The following SPSB4 variants were observed in gnomAD, a reference collection of about 807,000 sequenced individuals.
The protein encoded by SPSB4 is splA/ryanodine receptor domain and SOCS box containing 4, also known as SPRY domain-containing SOCS box protein 4.
SPSB4 carries 21 observed loss-of-function variants against 20.9 expected under a neutral mutation model. The ratio of observed to expected loss-of-function variants is 1.01; its 90% CI spans 0.71 to 1.45. SPSB4 has a LOEUF of 1.45. Ranked by LOEUF, SPSB4 falls within the 40% of genes most tolerant of loss-of-function variation. The pLI is 0.00. For synonymous variants in SPSB4, 207 were observed against 183.8 expected (o/e 1.13, Z -1.02); for missense variants, 399 against 399.2 (o/e 1.00, Z 0.00).
At chr3:141,100,337 G>C (rs1051555348) in intron 2 of SPSB4, among the ~76,000 whole-genome samples, 2 of 152,176 alleles carry the variant, frequency 1.3e-5, no homozygotes, top group African/African-American at 4.8e-5. Context: ...TGAATCTGCT[G>C]TGACTGGTAT....
intron 2 of SPSB4, among the ~76,000 whole-genome samples, chr3:141,084,630 A>G (rs1222692494): frequency 1.3e-5 from 2 of 152,208 alleles, no homozygotes; most frequent in Admixed American, 6.5e-5. Context: ...CCATTAAGCC[A>G]TATAAAGATC....
chr3:141,054,397 G>T (rs1936146821), intron 1 of SPSB4, among the ~76,000 whole-genome samples: 1 of 152,166 alleles, frequency 6.6e-6, no homozygotes, highest in Non-Finnish European at 1.5e-5. Context: ...GGTAAGAAAA[G>T]ATCAACTATA....
At chr3:141,069,574 A>C (rs763792597) in intron 2 of SPSB4, among the ~76,000 whole-genome samples, 11 of 152,216 alleles carry the variant, frequency 7.2e-5, no homozygotes, top group Non-Finnish European at 1.6e-4. Context: ...CTCTGGGGTT[A>C]CTTCCCCACA....
intron 2 of SPSB4, among the ~76,000 whole-genome samples, chr3:141,094,877 C>A (rs1216850756): frequency 6.6e-6 from 1 of 151,066 alleles, no homozygotes; most frequent in Non-Finnish European, 1.5e-5. Flanking sequence ...GTTGGCTCAC[C>A]CTGTAGCTGG....
intron 2 of SPSB4, among the ~76,000 whole-genome samples, chr3:141,143,446 T>G (rs1559859199): frequency 6.6e-6 from 1 of 152,218 alleles, no homozygotes; most frequent in Non-Finnish European, 1.5e-5. Flanking sequence ...GGGAGATGTT[T>G]GCAAAGAGTC....
At chr3:141,072,431 C>T (rs543059394) in intron 2 of SPSB4, among the ~76,000 whole-genome samples, 5 of 152,274 alleles carry the variant, frequency 3.3e-5, no homozygotes, top group African/African-American at 1.2e-4. Flanking sequence ...GCAGATACAT[C>T]ATGAATGGCT....
intron 2 of SPSB4, among the ~76,000 whole-genome samples, chr3:141,075,974 G>A (rs1172172030): frequency 2.0e-5 from 3 of 150,910 alleles, no homozygotes; most frequent in Non-Finnish European, 4.4e-5. Flanking sequence ...GCACAAGAAT[G>A]ATTTGAACCC....
chr3:141,056,619 A>T (rs553589160), intron 1 of SPSB4, among the ~76,000 whole-genome samples: 5 of 152,344 alleles, frequency 3.3e-5, no homozygotes, highest in African/African-American at 1.2e-4. Context: ...TCATCTTGGG[A>T]GGTAAATGAG....
intron 2 of SPSB4, among the ~76,000 whole-genome samples, chr3:141,119,668 ATTTC>A (rs1299401909): frequency 6.6e-6 from 1 of 152,080 alleles, no homozygotes; most frequent in Non-Finnish European, 1.5e-5. Flanking sequence ...GAATTTATCC[ATTTC>A]TTCTAGATTT....
chr3:141,147,204 C>A lies in SPSB4; in HGVS notation c.757C>A (p.Arg253Ser), dbSNP rs747490971. The change falls in exon 3 of 3, where the codon CGC becomes AGC. Residue 253 changes from arginine to serine, a missense_variant. Physicochemically the swap from Arg to Ser is moderately radical, Grantham distance 110 (BLOSUM62 -1). Coordinates refer to ENST00000310546, the MANE Select transcript of SPSB4 (RefSeq NM_080862.3). ...CATCCGCTCGGCCCTGGGCCGCCAG[C>A]GCCTGCAGGACATCAGCTCCCTGCC... ...RSIRSALGRQ[R>S]LQDISSLPLP... is the part of the protein sequence containing the mutation. 5 of 1,614,092 alleles carry A rather than the reference C, an allele frequency of 3.1e-6. No individual in the cohort carries two copies. Among genetic ancestry groups the A allele is most frequent in the African/African-American group, 1.3e-5 (1 of 74,932 alleles).
At chr3:141,095,470 A>G (rs1325695070) in intron 2 of SPSB4, among the ~76,000 whole-genome samples, 3 of 152,090 alleles carry the variant, frequency 2.0e-5, no homozygotes, top group African/African-American at 7.2e-5. Context: ...GGCTCCCCTG[A>G]GACTTTGCTG....
chr3:141,119,308 TG>T (rs1938927402), intron 2 of SPSB4, among the ~76,000 whole-genome samples: 1 of 152,222 alleles, frequency 6.6e-6, no homozygotes, highest in Non-Finnish European at 1.5e-5. Context: ...TGTTGGTGTA[TG>T]GGAATGCTTC....
At chr3:141,142,490 G>C (rs1038772176) in intron 2 of SPSB4, among the ~76,000 whole-genome samples, 11 of 152,128 alleles carry the variant, frequency 7.2e-5, no homozygotes, top group African/African-American at 2.4e-4. Flanking sequence ...AATGTCCCAT[G>C]GGCTGAAGAA....
Position 141,107,954 on chromosome 3 carries a change from T to TA in SPSB4, c.695-39177dup, listed in dbSNP as rs575805754. Among the ~76,000 whole-genome samples, 183 of 144,860 alleles carry TA rather than the reference T, an allele frequency of 1.3e-3. No homozygotes were observed. The South Asian group carries it at 0.019, about 15-fold the overall frequency. ...TGGGCAACAGAGCGAGACTCTGTCT[T>TA]AAAAAAAAAAATAAAATAAAAGATT... On this transcript the variant is annotated intron_variant, in intron 2 of 2. Coordinates refer to ENST00000310546, the MANE Select transcript of SPSB4 (RefSeq NM_080862.3).
chr3:141,137,512 A>G (rs1369036364), intron 2 of SPSB4, among the ~76,000 whole-genome samples: 1 of 152,236 alleles, frequency 6.6e-6, no homozygotes, highest in East Asian at 1.9e-4. Flanking sequence ...ATGTCCCATC[A>G]ATACCTAATT....
chr3:141,090,164 A>T (rs575239378), intron 2 of SPSB4, among the ~76,000 whole-genome samples: 1 of 152,316 alleles, frequency 6.6e-6, no homozygotes, highest in Admixed American at 6.5e-5. Context: ...TTAAACTCCC[A>T]ATTCTACCAC....
intron 2 of SPSB4, among the ~76,000 whole-genome samples, chr3:141,095,448 T>G (rs1239264943): frequency 6.6e-6 from 1 of 152,156 alleles, no homozygotes; most frequent in African/African-American, 2.4e-5. Context: ...CTCACCCACC[T>G]GCTCCCTTCC....
Position 141,110,645 on chromosome 3 carries a change from G to A in SPSB4, c.695-36497G>A, listed in dbSNP as rs1163984396. 4.6e-5 allele frequency among the ~76,000 whole-genome samples: 7 copies of A among 152,206 alleles called. No individual in the cohort carries two copies. The South Asian group carries it at 1.5e-3, about 32-fold the overall frequency. Reference sequence around the variant, plus strand: ...AAAGTGTGTCCTCACTTTGGGTCCAGGGCAGAAGGAACAGCCCCTAATGGT... The same window carrying A: ...AAAGTGTGTCCTCACTTTGGGTCCAAGGCAGAAGGAACAGCCCCTAATGGT... On this transcript the variant is annotated intron_variant, in intron 2 of 2. Coordinates refer to ENST00000310546, the MANE Select transcript of SPSB4 (RefSeq NM_080862.3).
chr3:141,116,890 G>GGAA (rs1938887846), intron 2 of SPSB4, among the ~76,000 whole-genome samples: 1 of 152,188 alleles, frequency 6.6e-6, no homozygotes. Flanking sequence ...TGAGAAGATT[G>GGAA]GAAAGAGGAT....
Sources: allele counts gnomAD v4.1 joint callset (sites outside exome capture counted in the v4.1 genomes callset), GRCh38; gene constraint gnomAD v4.1.1; transcripts MANE v1.5; gene names NCBI Gene and HGNC (gene_info 2026-07-23, HGNC 2026-07-21).